The following IRAK1BP1 variants were observed in gnomAD, a reference collection of about 807,000 sequenced individuals.
The protein encoded by IRAK1BP1 is interleukin 1 receptor associated kinase 1 binding protein 1, also known as interleukin-1 receptor-associated kinase 1-binding protein 1.
Under a neutral mutation model 28.0 loss-of-function variants are expected in IRAK1BP1, and 24 were observed. The ratio of observed to expected loss-of-function variants is 0.86; its 90% CI spans 0.62 to 1.20. The LOEUF (loss-of-function observed/expected upper bound fraction) is 1.20, where lower values mean the gene tolerates loss of function less well. Among genes scored for constraint, IRAK1BP1 ranks in the 50% most tolerant of loss-of-function variants. IRAK1BP1 has a pLI of 0.00. For synonymous variants in IRAK1BP1, 131 were observed against 116.3 expected, an observed-to-expected ratio of 1.13 and a Z score of -0.81; for missense variants, 336 against 316.7, an observed-to-expected ratio of 1.06 and a Z score of -0.46.
chr6:78,881,950 G>A (rs973845201), intron 1 of IRAK1BP1, among the ~76,000 whole-genome samples: 2 of 152,052 alleles, frequency 1.3e-5, no homozygotes, highest in Non-Finnish European at 2.9e-5. Flanking sequence ...GTTTACCTTT[G>A]TATATTGTAC....
downstream of IRAK1BP1, among the ~76,000 whole-genome samples, chr6:78,907,307 C>T (rs1391902586): frequency 6.6e-6 from 1 of 152,130 alleles, no homozygotes; most frequent in African/African-American, 2.4e-5. Flanking sequence ...AATTAGCTTT[C>T]TTCCTAGTTA....
intron 4 of IRAK1BP1, among the ~76,000 whole-genome samples, chr6:78,930,758 C>G (rs1044601880): frequency 1.3e-5 from 2 of 151,886 alleles, no homozygotes; most frequent in African/African-American, 4.8e-5. Context: ...ATGGTGAAAC[C>G]TTGTCTCTAC....
chr6:78,902,859 G>C lies in IRAK1BP1; in HGVS notation c.*4525G>C, dbSNP rs114652555. ...ATCTTACAAGACTGTAGTTCACAGTGGGTAATTCAAATCAGACACTGCTCT... is the reference window on the plus strand; with the variant it reads ...ATCTTACAAGACTGTAGTTCACAGTCGGTAATTCAAATCAGACACTGCTCT... On this transcript the variant is annotated 3_prime_UTR_variant, in exon 4 of 4. Transcript: ENST00000369940. The C allele has an allele frequency of 2.1e-3, 1,278 of 605,134 alleles. 9 individuals carry two copies. Among genetic ancestry groups the C allele is most frequent in the African/African-American group, 0.019 (1,035 of 54,076 alleles). 37.5% of individuals were successfully genotyped at this position (605,134 alleles called of 1,614,324 possible).
chr6:78,957,696 T>A, the IRAK1BP1 span: 6 of 151,394 alleles, frequency 4.0e-5, no homozygotes, highest in African/African-American at 1.2e-4. Context: ...GAAAAAAAAA[T>A]TCAATACAAA....
intron 4 of IRAK1BP1, chr6:78,939,490 A>G (rs1773388799): frequency 6.6e-6 from 1 of 151,922 alleles, no homozygotes; most frequent in Non-Finnish European, 1.5e-5. Context: ...AAATTAAACT[A>G]TAAAGTATGA....
downstream of IRAK1BP1, among the ~76,000 whole-genome samples, chr6:78,903,667 A>G (rs1772180397): frequency 1.3e-5 from 2 of 152,148 alleles, no homozygotes; most frequent in African/African-American, 2.4e-5. Context: ...ATTAAAAAAA[A>G]AAAAGCCTCC....
At chr6:78,951,788 A>G in the IRAK1BP1 span, among the ~76,000 whole-genome samples, 1 of 152,236 alleles carries the variant, frequency 6.6e-6, no homozygotes, top group African/African-American at 2.4e-5. Context: ...TTATATAAAA[A>G]TTCATTTGCC....
downstream of IRAK1BP1, among the ~76,000 whole-genome samples, chr6:78,907,553 A>G (rs1358087833): frequency 6.6e-6 from 1 of 152,160 alleles, no homozygotes; most frequent in Admixed American, 6.5e-5. Context: ...CCAGAGACCC[A>G]TTTAATCCAT....
chr6:78,871,555 T>C, intron 1 of IRAK1BP1: 1 of 983,258 alleles, frequency 1.0e-6, no homozygotes, highest in Non-Finnish European at 1.2e-6. Context: ...GTTCTTGCAA[T>C]GGACTAAATG....
At chr6:78,927,067 AG>A (rs1363231060) in intron 4 of IRAK1BP1, among the ~76,000 whole-genome samples, 17 of 152,278 alleles carry the variant, frequency 1.1e-4, no homozygotes, top group African/African-American at 4.1e-4. Flanking sequence ...TATACCCAAC[AG>A]TCGGATTGCT....
chr6:78,915,730 C>T (rs1772543006), intron 4 of IRAK1BP1, among the ~76,000 whole-genome samples: 1 of 152,210 alleles, frequency 6.6e-6, no homozygotes, highest in South Asian at 2.1e-4. Context: ...GGCATGACAG[C>T]CTGAAAGACC....
At chr6:78,924,372 A>G (rs953478794) in intron 4 of IRAK1BP1, among the ~76,000 whole-genome samples, 4 of 152,214 alleles carry the variant, frequency 2.6e-5, no homozygotes, top group Admixed American at 2.6e-4. Context: ...ACCAGGAAGA[A>G]GTTGAATCCC....
the IRAK1BP1 span, among the ~76,000 whole-genome samples, chr6:78,966,647 T>G: frequency 6.6e-6 from 1 of 152,216 alleles, no homozygotes; most frequent in Non-Finnish European, 1.5e-5. Context: ...TTGTGTCTAT[T>G]TCCTTATCCA....
downstream of IRAK1BP1, among the ~76,000 whole-genome samples, chr6:78,949,737 A>G (rs2127685649): frequency 6.6e-6 from 1 of 151,676 alleles, no homozygotes; most frequent in African/African-American, 2.4e-5. Context: ...TTGCCAGGCT[A>G]GAGTTCAGTG....
At chr6:78,978,431 C>T in the IRAK1BP1 span, among the ~76,000 whole-genome samples, 96 of 152,190 alleles carry the variant, frequency 6.3e-4, 1 homozygote, top group South Asian at 8.1e-3. Flanking sequence ...GATTATTAGA[C>T]TTTCACTCCT....
chr6:78,949,693 T>C (rs115035824), downstream of IRAK1BP1, among the ~76,000 whole-genome samples: 263 of 152,078 alleles, frequency 1.7e-3, 3 homozygotes, highest in African/African-American at 5.5e-3. Context: ...TTACTTTTTT[T>C]TTTTTGTTGT....
chr6:78,890,933 CT>C (rs919021074), intron 2 of IRAK1BP1, among the ~76,000 whole-genome samples: 12 of 152,120 alleles, frequency 7.9e-5, no homozygotes, highest in African/African-American at 2.9e-4. Flanking sequence ...CATACAAGGT[CT>C]CAAAACATTT....
intron 2 of IRAK1BP1, among the ~76,000 whole-genome samples, chr6:78,893,676 T>A (rs1771766904): frequency 6.6e-6 from 1 of 151,880 alleles, no homozygotes; most frequent in Admixed American, 6.6e-5. Context: ...GAGGCCGAGG[T>A]GGGTGGATCA....
At chr6:78,919,874 A>T (rs1448255670) in intron 4 of IRAK1BP1, among the ~76,000 whole-genome samples, 1 of 152,184 alleles carries the variant, frequency 6.6e-6, no homozygotes. Flanking sequence ...ATAATGAAAA[A>T]AGAAAACTGT....
Sources: gnomAD v4.1 joint callset for allele counts (sites outside exome capture counted in the v4.1 genomes callset) on GRCh38, gnomAD v4.1.1 for gene constraint, MANE v1.5 for transcripts, NCBI Gene and HGNC (gene_info 2026-07-23, HGNC 2026-07-21) for gene names.